BBS9: variants seen among roughly 807,000 people sequenced by gnomAD.
BBS9 encodes protein PTHB1.
Under a neutral mutation model 117.7 loss-of-function variants are expected in BBS9, and 89 were observed. That is an observed-to-expected ratio of 0.76 (90% CI 0.64 to 0.90). The LOEUF (loss-of-function observed/expected upper bound fraction) is 0.90. Ranked by LOEUF, BBS9 falls within the 40% of genes least tolerant of loss-of-function variation. The pLI, the probability that BBS9 is intolerant of heterozygous loss-of-function variation, is 0.00. For missense variants in BBS9, 982 were observed against 1,042.2 expected (o/e 0.94, Z 0.80); for synonymous variants, 379 against 370.9 (o/e 1.02, Z -0.25).
At chr7:33,400,509 C>T (rs541538210) in intron 19 of BBS9, among the ~76,000 whole-genome samples, 3 of 152,096 alleles carry the variant, frequency 2.0e-5, no homozygotes, top group South Asian at 2.1e-4. Flanking sequence ...TGTGAATTAG[C>T]GATTATTACA....
At chr7:33,544,688 A>G (rs1451125431) in intron 21 of BBS9, among the ~76,000 whole-genome samples, 2 of 152,136 alleles carry the variant, frequency 1.3e-5, no homozygotes, top group African/African-American at 2.4e-5. Context: ...AGGAGGTGGT[A>G]CTTTCCAGAA....
intron 16 of BBS9, among the ~76,000 whole-genome samples, chr7:33,361,222 A>G (rs749372511): frequency 2.0e-5 from 3 of 152,230 alleles, no homozygotes; most frequent in Non-Finnish European, 4.4e-5. Context: ...TTACCTGACC[A>G]TCAATGTATG....
At chr7:33,427,215 C>T (rs1346998960) in intron 19 of BBS9, among the ~76,000 whole-genome samples, 1 of 152,180 alleles carries the variant, frequency 6.6e-6, no homozygotes, top group East Asian at 1.9e-4. Context: ...AAATCTTTTG[C>T]TTCTGACCTA....
At chr7:33,462,725 C>T (rs1390888978) in intron 19 of BBS9, among the ~76,000 whole-genome samples, 1 of 151,932 alleles carries the variant, frequency 6.6e-6, no homozygotes, top group Non-Finnish European at 1.5e-5. Flanking sequence ...TTCTTCCAAA[C>T]CTACTCCATA....
chr7:33,531,994 T>C (rs1003295114), intron 20 of BBS9, among the ~76,000 whole-genome samples: 5 of 152,228 alleles, frequency 3.3e-5, no homozygotes, highest in African/African-American at 9.6e-5. Flanking sequence ...ATCCTCTGTA[T>C]ACCAAGAACA....
At chr7:33,544,798 GGA>G (rs1853018550) in intron 21 of BBS9, among the ~76,000 whole-genome samples, 1 of 152,152 alleles carries the variant, frequency 6.6e-6, no homozygotes, top group Non-Finnish European at 1.5e-5. Flanking sequence ...GGGTGGATAG[GGA>G]GAGACCACAC....
At chr7:33,184,180 G>A (rs1448489527) in intron 5 of BBS9, among the ~76,000 whole-genome samples, 1 of 152,056 alleles carries the variant, frequency 6.6e-6, no homozygotes, top group Non-Finnish European at 1.5e-5. Context: ...GTGGGAAGAC[G>A]AGGAGCTTAG....
chr7:33,315,443 C>G (rs983112706), intron 9 of BBS9, among the ~76,000 whole-genome samples: 5 of 152,034 alleles, frequency 3.3e-5, no homozygotes, highest in Admixed American at 3.3e-4. Flanking sequence ...ATTCTCTTAC[C>G]CAAAGCAAGC....
In BBS9 at chr7:33,155,625, C is replaced by A. The variant is rs1291510074; in HGVS notation, c.264-13C>A. On this transcript the variant is annotated splice_polypyrimidine_tract_variant and intron_variant, in intron 3 of 22. Transcript: ENST00000242067. ...AATATTGGAAAACTTTAAAAACTTT[C>A]TCTGTTTTTCAGAGGTACCGAAATG... The A allele has an allele frequency of 6.3e-7, 1 of 1,583,130 alleles. No homozygotes were observed. Among genetic ancestry groups the A allele is most frequent in the Admixed American group, 1.7e-5 (1 of 59,638 alleles).
intron 19 of BBS9, among the ~76,000 whole-genome samples, chr7:33,483,774 C>G (rs948797444): frequency 6.6e-6 from 1 of 151,996 alleles, no homozygotes; most frequent in Non-Finnish European, 1.5e-5. Flanking sequence ...GAGACTACAT[C>G]TACACGCCAT....
intron 5 of BBS9, among the ~76,000 whole-genome samples, chr7:33,234,397 A>T (rs1452415554): frequency 1.3e-5 from 2 of 152,068 alleles, no homozygotes; most frequent in Non-Finnish European, 2.9e-5. Flanking sequence ...ATGATTTGAT[A>T]TATGCATGCA....
chr7:33,585,950 T>C (rs1860813861), intron 21 of BBS9, among the ~76,000 whole-genome samples: 1 of 152,086 alleles, frequency 6.6e-6, no homozygotes, highest in South Asian at 2.1e-4. Flanking sequence ...TGACCTTGGG[T>C]CAGTAAATCT....
chr7:33,303,522 T>TAC (rs1806961766), intron 9 of BBS9, among the ~76,000 whole-genome samples: 1 of 77,030 alleles, frequency 1.3e-5, no homozygotes, highest in Non-Finnish European at 2.4e-5. Context: ...AATGATCCCC[T>TAC]CCCCCCGCCC....
intron 5 of BBS9, among the ~76,000 whole-genome samples, chr7:33,211,474 C>CT (rs899383041): frequency 1.0e-3 from 149 of 143,496 alleles, no homozygotes; most frequent in African/African-American, 3.5e-3. Context: ...CATTCCCCTG[C>CT]TTTTTTTTGT....
intron 9 of BBS9, among the ~76,000 whole-genome samples, chr7:33,284,528 A>C (rs954784652): frequency 6.6e-6 from 1 of 152,080 alleles, no homozygotes; most frequent in East Asian, 1.9e-4. Flanking sequence ...ATTTTCCTTG[A>C]TATTATTGGG....
At chr7:33,154,836 A>G (rs1286804035) in intron 3 of BBS9, among the ~76,000 whole-genome samples, 3 of 152,234 alleles carry the variant, frequency 2.0e-5, no homozygotes, top group African/African-American at 2.4e-5. Flanking sequence ...GATTTCACAT[A>G]AAACCCAATG....
At chr7:33,403,585 G>A (rs1178236316) in intron 19 of BBS9, among the ~76,000 whole-genome samples, 1 of 149,980 alleles carries the variant, frequency 6.7e-6, no homozygotes, top group South Asian at 2.1e-4. Flanking sequence ...TTGTCCTTGC[G>A]ATAGTTTACT....
At chr7:33,610,479 T>C (rs537407733), downstream of BBS9, among the ~76,000 whole-genome samples, 62 of 152,256 alleles carry the variant, frequency 4.1e-4, no homozygotes, top group Non-Finnish European at 6.9e-4. Context: ...GAAGCAATGC[T>C]GTTCTTTGCG....
At chr7:33,224,139 A>T (rs1418481951) in intron 5 of BBS9, among the ~76,000 whole-genome samples, 1 of 152,212 alleles carries the variant, frequency 6.6e-6, no homozygotes, top group Non-Finnish European at 1.5e-5. Context: ...TACTACTAAT[A>T]ACTACATTCA....
Sources: gnomAD v4.1 joint callset for allele counts (sites outside exome capture counted in the v4.1 genomes callset) on GRCh38, gnomAD v4.1.1 for gene constraint, MANE v1.5 for transcripts, NCBI Gene and HGNC (gene_info 2026-07-23, HGNC 2026-07-21) for gene names.